Variants in SNX29 observed in about 807,000 individuals in gnomAD.
SNX29 encodes the protein sorting nexin-29.
In SNX29, 78 loss-of-function variants were observed where a neutral mutation model predicts 102.1. The observed-to-expected ratio is 0.76, with a 90% CI of 0.64 to 0.92. The LOEUF is 0.92. Ranked by LOEUF, SNX29 falls within the 40% of genes least tolerant of loss-of-function variation. SNX29 has a pLI of 0.00. For missense variants in SNX29, 1,280 were observed against 1,061.7 expected, an observed-to-expected ratio of 1.21 and a Z score of -2.86; for synonymous variants, 580 against 414.5, an observed-to-expected ratio of 1.40 and a Z score of -4.85.
intron 3 of SNX29, among the ~76,000 whole-genome samples, chr16:12,003,794 G>C (rs1305905336): frequency 6.6e-6 from 1 of 152,152 alleles, no homozygotes; most frequent in Admixed American, 6.5e-5. Context: ...ATCACTTGAG[G>C]TCAGGAGTTC....
Position 12,090,363 on chromosome 16 carries a change from A to T in SNX29, c.1402+11448A>T, listed in dbSNP as rs555736791. The T allele has an allele frequency of 6.6e-5, 10 of 152,206 alleles. No homozygotes were observed. The East Asian group carries it at 1.7e-3, about 27-fold the overall frequency. 9.4% of individuals were successfully genotyped at this position (152,206 alleles called of 1,614,324 possible). A position where few individuals can be genotyped will look rare whatever the true frequency, so the allele number is the denominator to read the frequency against. On this transcript the variant is annotated intron_variant, in intron 11 of 20. Coordinates refer to ENST00000566228, the MANE Select transcript of SNX29 (RefSeq NM_032167.5). ...GGGGCTCTAGTTCTTCCGGGTTAGGACTTTGCGCAGGAATGCAGAGGCAGT... is the reference window on the plus strand; with the variant it reads ...GGGGCTCTAGTTCTTCCGGGTTAGGTCTTTGCGCAGGAATGCAGAGGCAGT...
intron 13 of SNX29, among the ~76,000 whole-genome samples, chr16:12,168,040 G>T (rs560748004): frequency 1.3e-5 from 2 of 152,296 alleles, no homozygotes; most frequent in South Asian, 4.1e-4. Flanking sequence ...AAATCACCAG[G>T]TTTCCACAGT....
At chr16:11,978,966 TA>T (rs1283782048) in intron 1 of SNX29, among the ~76,000 whole-genome samples, 2 of 151,184 alleles carry the variant, frequency 1.3e-5, no homozygotes, top group African/African-American at 2.4e-5. Flanking sequence ...AAGAAAACTT[TA>T]AAATTTAATT....
At chr16:12,089,957 G>T in intron 11 of SNX29, 1 of 245,354 alleles carries the variant, frequency 4.1e-6, no homozygotes, top group South Asian at 3.6e-5. Context: ...GCTGCTGACA[G>T]TCCTGTCACT....
In SNX29 at chr16:12,529,673, G is replaced by C. The variant is rs536334335; in HGVS notation, c.2318+4832G>C. 3.6e-4 allele frequency among the ~76,000 whole-genome samples: 54 copies of C among 151,958 alleles called. 1 individual carries two copies. Among genetic ancestry groups the C allele is most frequent in the African/African-American group, 1.3e-3 (52 of 41,436 alleles). ...AGAAAACCCAGTCTGGGTTTCCCCC[G>C]CCGCCGCCCCCATTTGCTGCTGCAT... On this transcript the variant is annotated intron_variant, in intron 20 of 20. Transcript: ENST00000566228.
At chr16:12,003,539 T>C (rs2056361149) in intron 3 of SNX29, among the ~76,000 whole-genome samples, 1 of 152,168 alleles carries the variant, frequency 6.6e-6, no homozygotes, top group South Asian at 2.1e-4. Flanking sequence ...AAGAGCAGGA[T>C]CCGAAATTCT....
chr16:12,483,043 T>C (rs1332022531), intron 19 of SNX29, among the ~76,000 whole-genome samples: 1 of 151,650 alleles, frequency 6.6e-6, no homozygotes, highest in African/African-American at 2.4e-5. Flanking sequence ...TGAATATCAG[T>C]TCACCATTCG....
chr16:12,069,139 A>G lies in SNX29; in HGVS notation c.1319+7A>G, dbSNP rs765055046. 2.5e-6 allele frequency: 4 copies of G among 1,607,306 alleles called. No homozygotes were observed. Among genetic ancestry groups the G allele is most frequent in the Non-Finnish European group, 3.4e-6 (4 of 1,175,346 alleles). On this transcript the variant is annotated splice_region_variant and intron_variant, in intron 10 of 20. Transcript: ENST00000566228. ...ATCCTGGACTTCGGTACAGGTTAAT[A>G]TTGAGAAACCCAGTTGCCTGTGGCA...
chr16:12,479,991 C>A (rs1211776515), intron 19 of SNX29, among the ~76,000 whole-genome samples: 1 of 152,096 alleles, frequency 6.6e-6, no homozygotes, highest in East Asian at 1.9e-4. Context: ...CAGCTTTAAG[C>A]AAAATGACAT....
chr16:12,149,184 G>A (rs888211323), intron 13 of SNX29, among the ~76,000 whole-genome samples: 3 of 152,200 alleles, frequency 2.0e-5, no homozygotes, highest in African/African-American at 4.8e-5. Context: ...ATGGTCTAAA[G>A]TGGCTGCTGG....
chr16:11,987,350 G>A (rs977032933), intron 1 of SNX29, among the ~76,000 whole-genome samples: 4 of 150,774 alleles, frequency 2.7e-5, no homozygotes, highest in Admixed American at 2.0e-4. Context: ...AGTTACAAGC[G>A]TGAGCCACTG....
chr16:12,563,830 C>T (rs1468321907), intron 20 of SNX29, among the ~76,000 whole-genome samples: 2 of 152,188 alleles, frequency 1.3e-5, no homozygotes, highest in East Asian at 3.9e-4. Context: ...TTTATTCAGG[C>T]TGCCTGTAAA....
chr16:12,264,224 A>T (rs1255074699), intron 14 of SNX29, among the ~76,000 whole-genome samples: 1 of 152,200 alleles, frequency 6.6e-6, no homozygotes, highest in Non-Finnish European at 1.5e-5. Context: ...GTTGACGTGC[A>T]TCGTTTTTTA....
intron 9 of SNX29, among the ~76,000 whole-genome samples, chr16:12,068,803 G>A (rs1440159557): frequency 6.6e-6 from 1 of 152,132 alleles, no homozygotes; most frequent in African/African-American, 2.4e-5. Flanking sequence ...CCAAAGTGCT[G>A]GGATTACAGG....
chr16:12,245,607 C>T (rs2078237595), intron 14 of SNX29, among the ~76,000 whole-genome samples: 1 of 151,652 alleles, frequency 6.6e-6, no homozygotes, highest in Non-Finnish European at 1.5e-5. Flanking sequence ...CCTTTTTGAC[C>T]AAACAAAAAC....
At position 12,337,936 on chromosome 16, in the gene SNX29, A is replaced by C. The variant is rs1481388790; in HGVS notation, c.1783-18227A>C. Among the ~76,000 whole-genome samples, 4 of 152,222 alleles carry C rather than the reference A, an allele frequency of 2.6e-5. No individual in the cohort carries two copies. In the East Asian group the frequency reaches 7.7e-4, roughly 29 times the overall value. Reference sequence around the variant, plus strand: ...CGAGGAACGGTCGGGTGACACTTCCATGGCCCTCTCACAGCCGCTTCACCT... The same window carrying C: ...CGAGGAACGGTCGGGTGACACTTCCCTGGCCCTCTCACAGCCGCTTCACCT... On this transcript the variant is annotated intron_variant, in intron 15 of 20. Coordinates refer to ENST00000566228, the MANE Select transcript of SNX29 (RefSeq NM_032167.5).
chr16:12,481,871 C>T (rs2087952640), intron 19 of SNX29, among the ~76,000 whole-genome samples: 1 of 152,164 alleles, frequency 6.6e-6, no homozygotes, highest in African/African-American at 2.4e-5. Flanking sequence ...TTCCTTCTTT[C>T]TTTTTCTGTG....
intron 11 of SNX29, among the ~76,000 whole-genome samples, chr16:12,104,240 G>C (rs866818818): frequency 7.9e-5 from 12 of 152,142 alleles, no homozygotes; most frequent in South Asian, 2.1e-4. Context: ...CCCAGGCTAT[G>C]GTTCTTTGAG....
At chr16:12,077,826 C>T (rs895066716) in intron 10 of SNX29, among the ~76,000 whole-genome samples, 8 of 151,962 alleles carry the variant, frequency 5.3e-5, no homozygotes, top group South Asian at 2.1e-4. Context: ...TTGCCATGTT[C>T]GCCAGGCTGG....
Sources: allele counts gnomAD v4.1 joint callset (sites outside exome capture counted in the v4.1 genomes callset), GRCh38; gene constraint gnomAD v4.1.1; transcripts MANE v1.5; gene names NCBI Gene and HGNC (gene_info 2026-07-23, HGNC 2026-07-21).